SATB2: variants seen among roughly 807,000 people sequenced by gnomAD.
SATB2 encodes SATB homeobox 2, also known as DNA-binding protein SATB2.
Under a neutral mutation model 73.4 loss-of-function variants are expected in SATB2, and 1 was observed. The ratio of observed to expected loss-of-function variants is 0.01; its 90% CI spans 0.00 to 0.06. SATB2 has a LOEUF of 0.06. Ranked by LOEUF, SATB2 falls within the 10% of genes least tolerant of loss-of-function variation. SATB2 has a pLI of 1.00. For synonymous variants in SATB2, 397 were observed against 367.0 expected (o/e 1.08, Z -0.93); for missense variants, 459 against 945.8 (o/e 0.49, Z 6.75).
At chr2:199,399,546 C>A (rs1241286360) in intron 3 of SATB2, among the ~76,000 whole-genome samples, 1 of 152,114 alleles carries the variant, frequency 6.6e-6, no homozygotes, top group Non-Finnish European at 1.5e-5. Flanking sequence ...AAAGAAATAC[C>A]TGAGACTGGG....
chr2:199,312,183 T>C (rs1176154514), intron 9 of SATB2, among the ~76,000 whole-genome samples: 1 of 152,210 alleles, frequency 6.6e-6, no homozygotes, highest in African/African-American at 2.4e-5. Flanking sequence ...GTTAAAAATC[T>C]CAAGTAGGTT....
In SATB2 at chr2:199,348,872, G is replaced by T; in HGVS notation, c.1002C>A (p.Ala334=). The T allele has an allele frequency of 6.2e-7, 1 of 1,614,148 alleles. No homozygotes were observed. The highest frequency in any genetic ancestry group is 8.5e-7 in the Non-Finnish European group (1 of 1,180,006). Residue 334 remains alanine (A), a synonymous_variant, in exon 7 of 11, where the codon GCC becomes GCA. Coordinates refer to ENST00000417098, the MANE Select transcript of SATB2 (RefSeq NM_001172509.2). ...GATGGTTCAGGAACTGCTGGTTGAT[G>T]GCTTGAGGATGCTGGTGAGCCAGGA... ...SRLLAHQHPQ[A]INQQFLNHPP...
chr2:199,337,511 G>A (rs1042604018), intron 7 of SATB2, among the ~76,000 whole-genome samples: 28 of 152,254 alleles, frequency 1.8e-4, no homozygotes, highest in African/African-American at 6.7e-4. Flanking sequence ...TTCCATGAAG[G>A]ATTTTTTTCT....
chr2:199,437,092 T>C (rs925675710), intron 2 of SATB2, among the ~76,000 whole-genome samples: 3 of 151,966 alleles, frequency 2.0e-5, no homozygotes, highest in African/African-American at 7.3e-5. Context: ...AAAAAGAAAA[T>C]CTTGCTCTAG....
At chr2:199,316,632 A>G (rs1168663551) in intron 9 of SATB2, among the ~76,000 whole-genome samples, 2 of 152,018 alleles carry the variant, frequency 1.3e-5, no homozygotes, top group Non-Finnish European at 2.9e-5. Context: ...AGTAATGAAA[A>G]TTTTATTTCA....
At chr2:199,394,678 G>C (rs1690246256) in intron 3 of SATB2, among the ~76,000 whole-genome samples, 1 of 152,096 alleles carries the variant, frequency 6.6e-6, no homozygotes, top group South Asian at 2.1e-4. Flanking sequence ...GCACGTACCT[G>C]CAGTCCCAGC....
At chr2:199,386,195 C>G (rs1457791122) in intron 3 of SATB2, among the ~76,000 whole-genome samples, 2 of 152,114 alleles carry the variant, frequency 1.3e-5, no homozygotes, top group Non-Finnish European at 2.9e-5. Context: ...TTATACCTAC[C>G]AGGTAGGCAT....
chr2:199,446,124 T>C (rs1187574300), intron 2 of SATB2, among the ~76,000 whole-genome samples: 5 of 152,180 alleles, frequency 3.3e-5, no homozygotes, highest in African/African-American at 7.2e-5. Flanking sequence ...AATGTTACAA[T>C]TACAGGTGAC....
At chr2:199,453,055 C>T (rs1475382325) in intron 2 of SATB2, among the ~76,000 whole-genome samples, 2 of 151,970 alleles carry the variant, frequency 1.3e-5, no homozygotes, top group South Asian at 2.1e-4. Context: ...AAGTAATGCC[C>T]CTTCTTTTAT....
intron 5 of SATB2, among the ~76,000 whole-genome samples, chr2:199,377,748 A>G (rs1689647657): frequency 6.6e-6 from 1 of 152,136 alleles, no homozygotes; most frequent in South Asian, 2.1e-4. Context: ...GTGGCAGGAG[A>G]AAAGTCATGA....
At chr2:199,420,305 T>C (rs1691126269) in intron 3 of SATB2, among the ~76,000 whole-genome samples, 1 of 152,248 alleles carries the variant, frequency 6.6e-6, no homozygotes, top group Non-Finnish European at 1.5e-5. Context: ...CTATGTTTCC[T>C]AGCATTATCA....
intron 9 of SATB2, among the ~76,000 whole-genome samples, chr2:199,321,686 T>C (rs1008224603): frequency 1.3e-5 from 2 of 152,076 alleles, no homozygotes; most frequent in African/African-American, 4.8e-5. Flanking sequence ...AAATGAATAC[T>C]GATACTTATA....
intron 1 of SATB2, among the ~76,000 whole-genome samples, chr2:199,456,917 G>A (rs1692294466): frequency 6.6e-6 from 1 of 151,182 alleles, no homozygotes; most frequent in Admixed American, 6.6e-5. Flanking sequence ...TGGGTCACTA[G>A]GTTGGCAGTG....
intron 3 of SATB2, among the ~76,000 whole-genome samples, chr2:199,428,651 G>A (rs543401208): frequency 2.6e-5 from 4 of 152,160 alleles, no homozygotes; most frequent in African/African-American, 9.7e-5. Context: ...TCTGTTATGA[G>A]AATTAAATGA....
chr2:199,404,927 T>C (rs1478047579), intron 3 of SATB2, among the ~76,000 whole-genome samples: 1 of 152,192 alleles, frequency 6.6e-6, no homozygotes, highest in African/African-American at 2.4e-5. Flanking sequence ...AAGCTGGAAC[T>C]GTAAAATAAA....
At chr2:199,469,581 C>T (rs1049628735), upstream of SATB2, 4 of 152,404 alleles carry the variant, frequency 2.6e-5, no homozygotes, top group African/African-American at 7.2e-5. Flanking sequence ...AGCGAGATCA[C>T]TTATTTGACT....
At chr2:199,408,148 G>A (rs745586312) in intron 3 of SATB2, among the ~76,000 whole-genome samples, 3 of 152,084 alleles carry the variant, frequency 2.0e-5, no homozygotes, top group Non-Finnish European at 4.4e-5. Flanking sequence ...GAGTACTATC[G>A]TGGGCCCCGC....
At chr2:199,466,302 A>G (rs563695018), upstream of SATB2, among the ~76,000 whole-genome samples, 2 of 152,318 alleles carry the variant, frequency 1.3e-5, no homozygotes, top group South Asian at 2.1e-4. Flanking sequence ...ACTTAGGGAC[A>G]GCAGAATCTG....
chr2:199,336,199 A>G (rs962280878), intron 7 of SATB2, among the ~76,000 whole-genome samples: 1 of 152,192 alleles, frequency 6.6e-6, no homozygotes, highest in Non-Finnish European at 1.5e-5. Flanking sequence ...CAAAATTTAT[A>G]AAACACATTA....
Sources: allele counts gnomAD v4.1 joint callset (sites outside exome capture counted in the v4.1 genomes callset), GRCh38; gene constraint gnomAD v4.1.1; transcripts MANE v1.5; gene names NCBI Gene and HGNC (gene_info 2026-07-23, HGNC 2026-07-21).